Variants in ADGRL2 observed in about 807,000 individuals in gnomAD.
ADGRL2 encodes calcium-independent alpha-latrotoxin receptor 2.
ADGRL2 carries 44 observed loss-of-function variants against 157.4 expected under a neutral mutation model. The ratio of observed to expected loss-of-function variants is 0.28; its 90% CI spans 0.22 to 0.36. The LOEUF (loss-of-function observed/expected upper bound fraction) is 0.36. Among genes scored for constraint, ADGRL2 ranks in the 10% least tolerant of loss-of-function variants. The pLI is 1.00. For synonymous variants in ADGRL2, 585 were observed against 624.7 expected, an observed-to-expected ratio of 0.94 and a Z score of 0.95; for missense variants, 1,510 against 1,768.9, an observed-to-expected ratio of 0.85 and a Z score of 2.63.
intron 1 of ADGRL2, among the ~76,000 whole-genome samples, chr1:81,713,100 G>A (rs945825330): frequency 6.6e-5 from 10 of 151,984 alleles, no homozygotes; most frequent in African/African-American, 1.2e-4. Context: ...AAAAAACCCC[G>A]ATATATAATG....
At chr1:81,698,639 G>A (rs921887017), upstream of ADGRL2, among the ~76,000 whole-genome samples, 5 of 152,112 alleles carry the variant, frequency 3.3e-5, no homozygotes, top group African/African-American at 1.2e-4. Context: ...AAGGAATCAA[G>A]GGGTCTGAGA....
At chr1:81,659,148 C>T (rs923432312) in intron 3 of ADGRL2, among the ~76,000 whole-genome samples, 4 of 150,484 alleles carry the variant, frequency 2.7e-5, no homozygotes, top group Non-Finnish European at 5.9e-5. Flanking sequence ...TGCAACCTCC[C>T]CCTCCTGGGT....
intron 2 of ADGRL2, among the ~76,000 whole-genome samples, chr1:81,556,966 C>T (rs186461170): frequency 1.3e-5 from 2 of 149,904 alleles, no homozygotes; most frequent in African/African-American, 4.9e-5. Context: ...GTAATCCCAG[C>T]TACTCGAGAG....
At chr1:81,803,752 C>T (rs1468725857) in intron 1 of ADGRL2, among the ~76,000 whole-genome samples, 1 of 152,084 alleles carries the variant, frequency 6.6e-6, no homozygotes, top group Admixed American at 6.5e-5. Flanking sequence ...ACTCTCTTCC[C>T]CACCCCGCCC....
At chr1:81,594,014 A>G (rs1038835146) in intron 3 of ADGRL2, among the ~76,000 whole-genome samples, 6 of 152,216 alleles carry the variant, frequency 3.9e-5, no homozygotes, top group Admixed American at 6.5e-5. Context: ...GTAGAAACAC[A>G]TAAAGAATAT....
chr1:81,426,708 G>C (rs540825596), intron 1 of ADGRL2: 48 of 472,806 alleles, frequency 1.0e-4, no homozygotes, highest in Middle Eastern at 1.5e-3. Context: ...ACTTACTCTT[G>C]TGTTGAAGAG....
intron 2 of ADGRL2, among the ~76,000 whole-genome samples, chr1:81,865,855 TAAG>T (rs1349732336): frequency 2.0e-5 from 3 of 152,222 alleles, no homozygotes; most frequent in Non-Finnish European, 4.4e-5. Flanking sequence ...TCTTCTAAGT[TAAG>T]AAAGGTAAAA....
chr1:81,335,382 G>C (rs1434821620), intron 1 of ADGRL2, among the ~76,000 whole-genome samples: 1 of 151,994 alleles, frequency 6.6e-6, no homozygotes, highest in Non-Finnish European at 1.5e-5. Flanking sequence ...AATAATTTCT[G>C]ACTCGGTCCA....
At position 81,553,735 on chromosome 1, in the gene ADGRL2, T is replaced by C. The variant is rs145732198; in HGVS notation, c.-247-27141T>C. Among the ~76,000 whole-genome samples the C allele has an allele frequency of 4.7e-4, 71 of 152,338 alleles. 2 individuals carry two copies. Among genetic ancestry groups the C allele is most frequent in the Middle Eastern group, 3.4e-3 (1 of 294 alleles). On this transcript the variant is annotated intron_variant, in intron 2 of 24. Coordinates refer to the ADGRL2 transcript ENST00000370721. The stretch of plus-strand genomic sequence containing the variant: ...CTTTGGCTGGGAATCTGTCAGTCTT[T>C]CAAAGTTATGCATCATTAAACTTTA...
At chr1:81,640,364 G>C (rs1204937633) in intron 3 of ADGRL2, among the ~76,000 whole-genome samples, 2 of 152,054 alleles carry the variant, frequency 1.3e-5, no homozygotes, top group Admixed American at 1.3e-4. Flanking sequence ...GCCGGGCGCG[G>C]TGGCTCACAC....
chr1:81,764,851 C>T (rs2086057303), intron 2 of ADGRL2, among the ~76,000 whole-genome samples: 1 of 152,016 alleles, frequency 6.6e-6, no homozygotes, highest in South Asian at 2.1e-4. Context: ...ATTGAATATA[C>T]ATAGCATAAA....
intron 3 of ADGRL2, among the ~76,000 whole-genome samples, chr1:81,661,592 T>C (rs1264700095): frequency 6.6e-6 from 1 of 152,194 alleles, no homozygotes; most frequent in African/African-American, 2.4e-5. Flanking sequence ...AAAATGACCT[T>C]ACACAGTCTA....
At chr1:81,638,839 C>T (rs796258776) in intron 3 of ADGRL2, among the ~76,000 whole-genome samples, 60 of 152,046 alleles carry the variant, frequency 3.9e-4, no homozygotes, top group African/African-American at 1.4e-3. Context: ...TCCATCTCTA[C>T]AAAAAAATAC....
At chr1:81,896,974 G>A (rs1295695231) in intron 2 of ADGRL2, among the ~76,000 whole-genome samples, 2 of 152,260 alleles carry the variant, frequency 1.3e-5, no homozygotes, top group African/African-American at 2.4e-5. Context: ...TTGTCCTGAA[G>A]GAGGTCTCAT....
intron 2 of ADGRL2, among the ~76,000 whole-genome samples, chr1:81,881,628 C>T (rs1204982027): frequency 6.6e-6 from 1 of 152,166 alleles, no homozygotes; most frequent in Non-Finnish European, 1.5e-5. Context: ...CCAGGGTAAG[C>T]TGAGATCTCC....
At chr1:81,384,363 G>A (rs1159437875) in intron 1 of ADGRL2, among the ~76,000 whole-genome samples, 1 of 152,166 alleles carries the variant, frequency 6.6e-6, no homozygotes, top group Admixed American at 6.5e-5. Context: ...GTGGGTGTGT[G>A]TGCACGCATG....
intron 1 of ADGRL2, among the ~76,000 whole-genome samples, chr1:81,344,962 A>C (rs1662375841): frequency 6.6e-6 from 1 of 152,132 alleles, no homozygotes; most frequent in African/African-American, 2.4e-5. Context: ...AACTTTACTC[A>C]AAATCTGATT....
At chr1:81,747,306 TA>T (rs367837958) in intron 1 of ADGRL2, among the ~76,000 whole-genome samples, 157 of 141,528 alleles carry the variant, frequency 1.1e-3, no homozygotes, top group Non-Finnish European at 1.8e-3. Flanking sequence ...TATATATATA[TA>T]TTTTTTTTTT....
chr1:81,465,661 G>T (rs1377602356), intron 2 of ADGRL2, among the ~76,000 whole-genome samples: 2 of 152,122 alleles, frequency 1.3e-5, no homozygotes, highest in Admixed American at 1.3e-4. Flanking sequence ...CCCTATGATG[G>T]TATTTATAGT....
Sources: gnomAD v4.1 joint callset for allele counts (sites outside exome capture counted in the v4.1 genomes callset) on GRCh38, gnomAD v4.1.1 for gene constraint, MANE v1.5 for transcripts, NCBI Gene and HGNC (gene_info 2026-07-23, HGNC 2026-07-21) for gene names.